The following FBXL7 variants were observed in gnomAD, a reference collection of about 807,000 sequenced individuals.
The protein encoded by FBXL7 is F-box/LRR-repeat protein 7.
Under a neutral mutation model 38.3 loss-of-function variants are expected in FBXL7, and 12 were observed. That is an observed-to-expected ratio of 0.31 (90% CI 0.20 to 0.51). FBXL7 has a LOEUF of 0.51. FBXL7 is among the 20% of genes least tolerant of loss of function. The pLI, the probability that FBXL7 is intolerant of heterozygous loss-of-function variation, is 0.98. For synonymous variants in FBXL7, 297 were observed against 300.9 expected, an observed-to-expected ratio of 0.99 and a Z score of 0.13; for missense variants, 567 against 676.4, an observed-to-expected ratio of 0.84 and a Z score of 1.79.
intron 2 of FBXL7, among the ~76,000 whole-genome samples, chr5:15,751,692 T>C (rs997398905): frequency 2.0e-5 from 3 of 152,194 alleles, no homozygotes; most frequent in African/African-American, 4.8e-5. Flanking sequence ...CGATTTTTAA[T>C]AATATATGTC....
chr5:15,655,693 A>G (rs920229391), intron 2 of FBXL7, among the ~76,000 whole-genome samples: 1 of 152,160 alleles, frequency 6.6e-6, no homozygotes, highest in Non-Finnish European at 1.5e-5. Flanking sequence ...TGTGTTAGCC[A>G]TTTCTTGCGG....
intron 2 of FBXL7, among the ~76,000 whole-genome samples, chr5:15,799,534 G>A (rs1048129507): frequency 6.6e-6 from 1 of 151,844 alleles, no homozygotes; most frequent in African/African-American, 2.4e-5. Context: ...GGCTAATTTT[G>A]TATTTTTAGT....
intron 2 of FBXL7, among the ~76,000 whole-genome samples, chr5:15,831,020 G>C (rs755728321): frequency 6.6e-6 from 1 of 152,142 alleles, no homozygotes; most frequent in Non-Finnish European, 1.5e-5. Context: ...TGAATCTGAG[G>C]ACAAAATGTG....
chr5:15,664,355 T>A (rs1742198852), intron 2 of FBXL7, among the ~76,000 whole-genome samples: 1 of 152,134 alleles, frequency 6.6e-6, no homozygotes. Context: ...CATACAATTG[T>A]CTTTAGAAAT....
intron 2 of FBXL7, among the ~76,000 whole-genome samples, chr5:15,659,786 C>A (rs1223383568): frequency 6.6e-6 from 1 of 152,082 alleles, no homozygotes; most frequent in Non-Finnish European, 1.5e-5. Context: ...AGGAAAACAT[C>A]CAATGACAAT....
chr5:15,631,119 C>A (rs1274317909), intron 2 of FBXL7, among the ~76,000 whole-genome samples: 1 of 152,148 alleles, frequency 6.6e-6, no homozygotes, highest in Non-Finnish European at 1.5e-5. Context: ...AACACAATTC[C>A]TATTGAAATC....
chr5:15,631,433 C>T (rs550280021), intron 2 of FBXL7, among the ~76,000 whole-genome samples: 6 of 152,056 alleles, frequency 3.9e-5, no homozygotes, highest in South Asian at 2.1e-4. Context: ...TGGTGGCTCA[C>T]GCCTGTAATC....
chr5:15,929,954 G>A (rs1741996254), intron 3 of FBXL7, among the ~76,000 whole-genome samples: 1 of 152,204 alleles, frequency 6.6e-6, no homozygotes, highest in Non-Finnish European at 1.5e-5. Flanking sequence ...TCTGAGGCCA[G>A]TGATGCCCTC....
At chr5:15,697,333 C>T (rs1743373355) in intron 2 of FBXL7, among the ~76,000 whole-genome samples, 1 of 151,934 alleles carries the variant, frequency 6.6e-6, no homozygotes, top group Admixed American at 6.6e-5. Flanking sequence ...ATCAAGAGTA[C>T]AGTGTGGTGG....
At chr5:15,550,471 G>A (rs1467435910) in intron 1 of FBXL7, among the ~76,000 whole-genome samples, 1 of 152,148 alleles carries the variant, frequency 6.6e-6, no homozygotes, top group African/African-American at 2.4e-5. Flanking sequence ...TGTTGGGAAG[G>A]TGCTATTGAG....
intron 1 of FBXL7, among the ~76,000 whole-genome samples, chr5:15,520,802 T>G (rs1737075072): frequency 6.6e-6 from 1 of 152,242 alleles, no homozygotes; most frequent in Non-Finnish European, 1.5e-5. Context: ...TGCAAGGAAT[T>G]TAAAAAATAC....
At chr5:15,516,596 T>G (rs1033460765) in intron 1 of FBXL7, among the ~76,000 whole-genome samples, 5 of 152,186 alleles carry the variant, frequency 3.3e-5, no homozygotes, top group African/African-American at 1.2e-4. Flanking sequence ...AAATCTCAAC[T>G]TGAATTGTAG....
chr5:15,539,486 G>A (rs900197909), intron 1 of FBXL7, among the ~76,000 whole-genome samples: 2 of 152,158 alleles, frequency 1.3e-5, no homozygotes, highest in Non-Finnish European at 2.9e-5. Flanking sequence ...TCATCTGTGA[G>A]TTTTCCATTT....
intron 2 of FBXL7, among the ~76,000 whole-genome samples, chr5:15,645,506 C>T (rs4701636): frequency 6.6e-6 from 1 of 152,106 alleles, no homozygotes. Flanking sequence ...GTACTTCTTA[C>T]GTTTCTTGAT....
intron 1 of FBXL7, among the ~76,000 whole-genome samples, chr5:15,509,669 A>G (rs770455185): frequency 2.0e-5 from 3 of 152,212 alleles, no homozygotes; most frequent in Non-Finnish European, 2.9e-5. Context: ...TCTTGGGAGA[A>G]GCTAAATATT....
At chr5:15,746,597 T>C (rs1276337188) in intron 2 of FBXL7, among the ~76,000 whole-genome samples, 2 of 152,070 alleles carry the variant, frequency 1.3e-5, no homozygotes, top group Non-Finnish European at 2.9e-5. Context: ...TCCACACTTA[T>C]GACCTAATCA....
At chr5:15,751,143 C>T (rs1172096835) in intron 2 of FBXL7, among the ~76,000 whole-genome samples, 1 of 152,094 alleles carries the variant, frequency 6.6e-6, no homozygotes. Flanking sequence ...AGAGATATTT[C>T]CATGATGTTC....
intron 1 of FBXL7, among the ~76,000 whole-genome samples, chr5:15,517,532 G>A (rs10475065): frequency 0.024 from 3,706 of 152,250 alleles, 160 homozygotes; most frequent in African/African-American, 0.084. Context: ...GCGGGAACCA[G>A]TCATAGGCTC....
At chr5:15,781,093 C>T (rs893654734) in intron 2 of FBXL7, among the ~76,000 whole-genome samples, 5 of 152,160 alleles carry the variant, frequency 3.3e-5, no homozygotes, top group Non-Finnish European at 7.3e-5. Context: ...TCTCTCTTCC[C>T]GGTACCACAA....
Sources: allele counts gnomAD v4.1 joint callset (sites outside exome capture counted in the v4.1 genomes callset), GRCh38; gene constraint gnomAD v4.1.1; transcripts MANE v1.5; gene names NCBI Gene and HGNC (gene_info 2026-07-23, HGNC 2026-07-21).